The following SORCS3 variants were observed in gnomAD, a reference collection of about 807,000 sequenced individuals.
SORCS3 encodes the protein sortilin related VPS10 domain containing receptor 3.
In SORCS3, 57 loss-of-function variants were observed where a neutral mutation model predicts 146.3. The ratio of observed to expected loss-of-function variants is 0.39; its 90% CI spans 0.31 to 0.49. The LOEUF (loss-of-function observed/expected upper bound fraction) is 0.49. Ranked by LOEUF, SORCS3 falls within the 20% of genes least tolerant of loss-of-function variation. The pLI, the probability that SORCS3 is intolerant of heterozygous loss-of-function variation, is 0.92. For synonymous variants in SORCS3, 653 were observed against 618.5 expected (o/e 1.06, Z -0.83); for missense variants, 1,341 against 1,575.5 (o/e 0.85, Z 2.52).
intron 16 of SORCS3, among the ~76,000 whole-genome samples, chr10:105,206,254 G>A (rs930630487): frequency 6.6e-6 from 1 of 152,130 alleles, no homozygotes; most frequent in African/African-American, 2.4e-5. Flanking sequence ...AAAATAATGA[G>A]TATAATTAAA....
At chr10:104,671,478 G>T (rs1408302113) in intron 1 of SORCS3, among the ~76,000 whole-genome samples, 4 of 150,244 alleles carry the variant, frequency 2.7e-5, no homozygotes, top group Admixed American at 6.7e-5. Flanking sequence ...GGGACTACAG[G>T]TTTGTGCCAC....
At chr10:105,168,337 TGAC>T (rs940150415) in intron 13 of SORCS3, among the ~76,000 whole-genome samples, 1 of 152,148 alleles carries the variant, frequency 6.6e-6, no homozygotes. Context: ...ATGATGATGA[TGAC>T]GACGATGACA....
At chr10:105,004,672 T>C (rs1283528174) in intron 4 of SORCS3, among the ~76,000 whole-genome samples, 1 of 152,054 alleles carries the variant, frequency 6.6e-6, no homozygotes, top group Non-Finnish European at 1.5e-5. Flanking sequence ...AATGCAGCCA[T>C]ATGGGTGAGC....
chr10:104,690,819 AGACCCT>A (rs2016102558), intron 1 of SORCS3, among the ~76,000 whole-genome samples: 1 of 115,534 alleles, frequency 8.7e-6, no homozygotes, highest in Non-Finnish European at 2.1e-5. Context: ...GGACCAGGCA[AGACCCT>A]GATAGCAATA....
chr10:105,076,355 C>A (rs1373193339), intron 5 of SORCS3, among the ~76,000 whole-genome samples: 1 of 152,156 alleles, frequency 6.6e-6, no homozygotes, highest in Non-Finnish European at 1.5e-5. Flanking sequence ...TCCACAAGTA[C>A]CCTGTTATCC....
intron 1 of SORCS3, among the ~76,000 whole-genome samples, chr10:104,788,346 G>T (rs2017461046): frequency 6.6e-6 from 1 of 152,210 alleles, no homozygotes; most frequent in Admixed American, 6.5e-5. Flanking sequence ...CTATGCAGCT[G>T]TGAAGAGGAA....
intron 9 of SORCS3, among the ~76,000 whole-genome samples, 162 bp from the exon 10 acceptor site, chr10:105,156,976 T>G (rs1460188799): frequency 6.6e-6 from 1 of 152,198 alleles, no homozygotes; most frequent in Non-Finnish European, 1.5e-5. Context: ...TTAAACATTT[T>G]TCAGAGACCA....
intron 3 of SORCS3, among the ~76,000 whole-genome samples, chr10:104,973,800 T>C (rs1484011520): frequency 6.8e-6 from 1 of 146,272 alleles, no homozygotes; most frequent in Non-Finnish European, 1.5e-5. Flanking sequence ...GGTGTCAATT[T>C]TGGATCTTTC....
intron 20 of SORCS3, among the ~76,000 whole-genome samples, chr10:105,236,460 C>T (rs914587444): frequency 4.6e-5 from 7 of 152,076 alleles, no homozygotes; most frequent in Admixed American, 1.3e-4. Flanking sequence ...ATTTTAAGTT[C>T]ATTTCTCCTG....
chr10:104,684,826 T>A (rs1233626469), intron 1 of SORCS3, among the ~76,000 whole-genome samples: 1 of 61,862 alleles, frequency 1.6e-5, no homozygotes, highest in African/African-American at 7.1e-5. Context: ...TTTTTTTTTT[T>A]TTTTTTTATG....
chr10:105,221,358 C>G (rs183488062), intron 19 of SORCS3, among the ~76,000 whole-genome samples: 220 of 152,318 alleles, frequency 1.4e-3, no homozygotes, highest in Middle Eastern at 6.8e-3. Flanking sequence ...CTTAGAGGGA[C>G]TACTACCCAA....
intron 3 of SORCS3, among the ~76,000 whole-genome samples, chr10:104,971,478 G>A (rs1178042809): frequency 6.6e-6 from 1 of 152,234 alleles, no homozygotes; most frequent in Non-Finnish European, 1.5e-5. Context: ...AAACATGGAT[G>A]TTGGTGGAAA....
At chr10:104,732,646 G>T (rs1236181932) in intron 1 of SORCS3, among the ~76,000 whole-genome samples, 1 of 152,180 alleles carries the variant, frequency 6.6e-6, no homozygotes, top group Non-Finnish European at 1.5e-5. Context: ...GCATGCTGCT[G>T]CTGCTGTTTA....
intron 14 of SORCS3, among the ~76,000 whole-genome samples, chr10:105,195,522 A>G (rs2056539049): frequency 2.0e-5 from 3 of 152,256 alleles, no homozygotes; most frequent in East Asian, 3.9e-4. Context: ...TTGAATTTGA[A>G]TTAGTTCTTA....
At chr10:104,748,905 T>C (rs891119508) in intron 1 of SORCS3, among the ~76,000 whole-genome samples, 3 of 152,150 alleles carry the variant, frequency 2.0e-5, no homozygotes, top group African/African-American at 4.8e-5. Context: ...CTACCAATAG[T>C]GTAACTAGGT....
intron 1 of SORCS3, among the ~76,000 whole-genome samples, chr10:104,784,398 C>G (rs2017408694): frequency 6.6e-6 from 1 of 152,152 alleles, no homozygotes; most frequent in African/African-American, 2.4e-5. Context: ...TCAATAGTGC[C>G]AAGATTGAGA....
chr10:105,040,884 T>C (rs2055333574), intron 4 of SORCS3, among the ~76,000 whole-genome samples: 1 of 151,566 alleles, frequency 6.6e-6, no homozygotes, highest in South Asian at 2.1e-4. Context: ...AGCCAAATCA[T>C]GTATATATTT....
chr10:105,263,393 T>A lies in SORCS3; in HGVS notation c.*19T>A. 6.2e-7 allele frequency: 1 copy of A among 1,612,352 alleles called. No individual in the cohort carries two copies. The highest frequency in any genetic ancestry group is 8.5e-7 in the Non-Finnish European group (1 of 1,178,550). On this transcript the variant is annotated 3_prime_UTR_variant, in exon 27 of 27. Transcript: ENST00000369701. ...TGTTTAATACCAGCAAGCCACGTGG[T>A]CAACCACCTTTCTGACTTTTTATTT... is the stretch of plus-strand genomic sequence containing the variant.
At chr10:105,255,952 C>T (rs1048791333) in intron 24 of SORCS3, 151 bp downstream of exon 24, 2 of 605,016 alleles carry the variant, frequency 3.3e-6, no homozygotes. Flanking sequence ...AAGGATTGGT[C>T]ACATCAGTCA....
Sources: allele counts gnomAD v4.1 joint callset (sites outside exome capture counted in the v4.1 genomes callset), GRCh38; gene constraint gnomAD v4.1.1; transcripts MANE v1.5; gene names NCBI Gene and HGNC (gene_info 2026-07-23, HGNC 2026-07-21).